Variants in LRRIQ1 observed in about 807,000 individuals in gnomAD.
LRRIQ1 encodes the protein leucine rich repeats and IQ motif containing 1.
LRRIQ1 carries 210 observed loss-of-function variants against 211.9 expected under a neutral mutation model. That is an observed-to-expected ratio of 0.99 (90% confidence interval 0.89 to 1.11). LRRIQ1 has a LOEUF of 1.11. Ranked by LOEUF, LRRIQ1 falls within the 50% of genes most tolerant of loss-of-function variation. The probability of loss-of-function intolerance (pLI) is 0.00; values close to 1 mark genes in which losing one functional copy is unlikely to be tolerated. For synonymous variants in LRRIQ1, 699 were observed against 650.1 expected (o/e 1.08, Z -1.14); for missense variants, 2,136 against 1,939.5 (o/e 1.10, Z -1.90).
At chr12:85,037,466 C>A (rs1425950060) in intron 1 of LRRIQ1, among the ~76,000 whole-genome samples, 2 of 151,862 alleles carry the variant, frequency 1.3e-5, no homozygotes, top group African/African-American at 4.8e-5. Flanking sequence ...CTGGTTCTGT[C>A]TGGAGTTCCA....
In LRRIQ1 at chr12:85,160,728, AC is replaced by A. The variant is rs1565877496; in HGVS notation, c.4822+15del. ...GTTACTTTGAAGGTATGGCTTAATA[AC>A]AGATACATAGAGAGGTAAAAAGATA... is the stretch of plus-strand genomic sequence containing the variant. On this transcript the variant is annotated intron_variant, in intron 24 of 26. Transcript: ENST00000393217. 1.4e-6 allele frequency: 2 copies of A among 1,416,648 alleles called. No homozygotes were observed. The highest frequency in any genetic ancestry group is 2.5e-5 in the South Asian group (2 of 79,316). The allele number at this position is 1,416,648 out of a possible 1,614,324, so 87.8% of individuals were successfully genotyped here.
chr12:85,208,520 A>G (rs1893676640), intron 24 of LRRIQ1, among the ~76,000 whole-genome samples: 1 of 152,198 alleles, frequency 6.6e-6, no homozygotes, highest in Non-Finnish European at 1.5e-5. Context: ...AAATTAGCCC[A>G]TTTGAATACT....
chr12:85,038,288 C>A lies in LRRIQ1; in HGVS notation c.112C>A (p.Gln38Lys). ...TGAGAGTGATGCAAAATCAGAAACCCAGAGTGATGATAGTGATACAGTGAG... is the reference window on the plus strand; with the variant it reads ...TGAGAGTGATGCAAAATCAGAAACCAAGAGTGATGATAGTGATACAGTGAG... ...DIESDAKSET[Q>K]SDDSDTDSVE... Residue 38 changes from glutamine to lysine, a missense_variant, in exon 2 of 27, where the codon CAG becomes AAG. Coordinates refer to ENST00000393217, the MANE Select transcript of LRRIQ1 (RefSeq NM_001079910.2). 6.3e-7 allele frequency: 1 copy of A among 1,580,364 alleles called. No homozygotes were observed. The highest frequency in any genetic ancestry group is 1.2e-5 in the South Asian group (1 of 86,672).
Position 85,098,968 on chromosome 12 carries a change from A to G in LRRIQ1, c.3183A>G (p.Leu1061=), listed in dbSNP as rs1212932746. ...EAFSSYWLPL[L]QNITISQNSL... is the part of the protein sequence containing the mutation. ...TTTCTTCATACTGGCTGCCTTTACTACAAAATATTACTATCTCTCAAAACA... is the reference window on the plus strand; with the variant it reads ...TTTCTTCATACTGGCTGCCTTTACTGCAAAATATTACTATCTCTCAAAACA... The change falls in exon 13 of 27, where the codon CTA becomes CTG. Residue 1061 remains leucine, a synonymous_variant. Transcript: ENST00000393217. 20 of 1,567,382 alleles carry G rather than the reference A, an allele frequency of 1.3e-5. No individual in the cohort carries two copies. The highest frequency in any genetic ancestry group is 1.6e-5 in the Non-Finnish European group (19 of 1,152,144).
intron 24 of LRRIQ1, among the ~76,000 whole-genome samples, chr12:85,198,175 T>TTA (rs1274381300): frequency 2.2e-4 from 29 of 130,236 alleles, no homozygotes; most frequent in African/African-American, 5.7e-4. Flanking sequence ...ATATTTATAT[T>TTA]TATATATATA....
At chr12:85,050,190 A>G (rs1485931324) in intron 6 of LRRIQ1, among the ~76,000 whole-genome samples, 2 of 152,124 alleles carry the variant, frequency 1.3e-5, no homozygotes, top group African/African-American at 4.8e-5. Flanking sequence ...CCCCACCTCC[A>G]ACACTGGGGA....
At chr12:85,167,174 CTT>C (rs1891190701) in intron 24 of LRRIQ1, among the ~76,000 whole-genome samples, 3 of 152,128 alleles carry the variant, frequency 2.0e-5, no homozygotes, top group Admixed American at 2.0e-4. Context: ...TTTAGGAAGA[CTT>C]TTCTGATTCT....
Position 85,079,341 on chromosome 12 carries a change from C to T in LRRIQ1, c.2887+6243C>T, listed in dbSNP as rs190781870. Among the ~76,000 whole-genome samples the T allele has an allele frequency of 3.2e-3, 479 of 148,512 alleles. 3 individuals are homozygous for T. The highest frequency in any genetic ancestry group is 0.011 in the African/African-American group (450 of 39,870). On this transcript the variant is annotated intron_variant, in intron 11 of 26. Transcript: ENST00000393217. ...GGTTCAAGCAATTCTGTTGCCTCAGCCTCTTGGGTAGATGGGATATTACAG... is the reference window on the plus strand; with the variant it reads ...GGTTCAAGCAATTCTGTTGCCTCAGTCTCTTGGGTAGATGGGATATTACAG...
chr12:85,195,204 C>G (rs1892829590), intron 24 of LRRIQ1, among the ~76,000 whole-genome samples: 1 of 151,728 alleles, frequency 6.6e-6, no homozygotes, highest in South Asian at 2.1e-4. Context: ...CAAAAAGAGT[C>G]CAGGACCAGA....
At position 85,239,394 on chromosome 12, in the gene LRRIQ1, T is replaced by C. The variant is rs182554347; in HGVS notation, c.5017-5395T>C. Reference sequence around the variant, plus strand: ...ACACACACACACACACACGTGTATATATATACACACACATATATGTATGTA... The same window carrying C: ...ACACACACACACACACACGTGTATACATATACACACACATATATGTATGTA... On this transcript the variant is annotated intron_variant, in intron 26 of 26. Coordinates refer to ENST00000393217, the MANE Select transcript of LRRIQ1 (RefSeq NM_001079910.2). Among the ~76,000 whole-genome samples the C allele has an allele frequency of 2.8e-3, 351 of 126,832 alleles. 2 individuals are homozygous for C. Among genetic ancestry groups the C allele is most frequent in the African/African-American group, 9.3e-3 (342 of 36,762 alleles). The allele number at this position is 126,832 out of a possible 152,430, so 83.2% of individuals were successfully genotyped here. A position where few individuals can be genotyped will look rare whatever the true frequency, so the allele number is the denominator to read the frequency against.
At chr12:85,087,563 G>C (rs1179358334) in intron 11 of LRRIQ1, among the ~76,000 whole-genome samples, 1 of 152,170 alleles carries the variant, frequency 6.6e-6, no homozygotes, top group Non-Finnish European at 1.5e-5. Context: ...CCCACCAACA[G>C]TGTAAAAGTG....
chr12:85,193,230 C>T (rs966248010), intron 24 of LRRIQ1, among the ~76,000 whole-genome samples: 1 of 126,782 alleles, frequency 7.9e-6, no homozygotes, highest in Non-Finnish European at 1.6e-5. Context: ...AGAATGGAAC[C>T]AAGTTGGAAA....
intron 2 of LRRIQ1, among the ~76,000 whole-genome samples, chr12:85,039,073 A>G (rs1193981307): frequency 1.3e-5 from 2 of 151,358 alleles, no homozygotes; most frequent in African/African-American, 4.8e-5. Flanking sequence ...TATTACATTT[A>G]GAAAAATTAA....
chr12:85,180,624 T>C (rs1451879296), intron 24 of LRRIQ1, among the ~76,000 whole-genome samples: 1 of 151,884 alleles, frequency 6.6e-6, no homozygotes, highest in Non-Finnish European at 1.5e-5. Context: ...CATTTTTGAA[T>C]TTGCCATAAT....
intron 11 of LRRIQ1, among the ~76,000 whole-genome samples, chr12:85,086,674 A>C (rs116186587): frequency 2.6e-3 from 394 of 152,150 alleles, no homozygotes; most frequent in African/African-American, 9.0e-3. Context: ...TATAAATAAC[A>C]AAATAAATAT....
intron 24 of LRRIQ1, among the ~76,000 whole-genome samples, chr12:85,210,124 A>G (rs764525724): frequency 1.3e-5 from 2 of 152,202 alleles, no homozygotes; most frequent in Non-Finnish European, 2.9e-5. Flanking sequence ...AGGACCTTAT[A>G]CATTTCTACT....
At chr12:85,169,689 C>T (rs1891318487) in intron 24 of LRRIQ1, among the ~76,000 whole-genome samples, 1 of 152,126 alleles carries the variant, frequency 6.6e-6, no homozygotes, top group African/African-American at 2.4e-5. Flanking sequence ...TTTCACATAG[C>T]CTTTTCCTCT....
chr12:85,212,576 A>G (rs1893884519), intron 24 of LRRIQ1, among the ~76,000 whole-genome samples: 1 of 151,802 alleles, frequency 6.6e-6, no homozygotes. Flanking sequence ...GTTACATGTA[A>G]GGAACACAGA....
intron 24 of LRRIQ1, among the ~76,000 whole-genome samples, chr12:85,191,468 G>T (rs567664792): frequency 5.3e-5 from 8 of 151,938 alleles, no homozygotes; most frequent in African/African-American, 1.4e-4. Context: ...TGCTTTTAAG[G>T]TTCCTCCATG....
Sources: gnomAD v4.1 joint callset for allele counts (sites outside exome capture counted in the v4.1 genomes callset) on GRCh38, gnomAD v4.1.1 for gene constraint, MANE v1.5 for transcripts, NCBI Gene and HGNC (gene_info 2026-07-23, HGNC 2026-07-21) for gene names.